Variants in SLC35D1 observed in about 807,000 individuals in gnomAD.
The protein encoded by SLC35D1 is nucleotide sugar transporter SLC35D1.
SLC35D1 carries 31 observed loss-of-function variants against 46.7 expected under a neutral mutation model. The observed-to-expected ratio is 0.66, with a 90% CI of 0.50 to 0.90. The LOEUF (loss-of-function observed/expected upper bound fraction) is 0.90, where lower values mean the gene tolerates loss of function less well. SLC35D1 is among the 40% of genes least tolerant of loss of function. SLC35D1 has a pLI of 0.00. For synonymous variants in SLC35D1, 195 were observed against 164.6 expected (o/e 1.18, Z -1.41); for missense variants, 397 against 426.2 (o/e 0.93, Z 0.60).
At chr1:66,980,440 TG>T in the SLC35D1 span, among the ~76,000 whole-genome samples, 2 of 152,234 alleles carry the variant, frequency 1.3e-5, no homozygotes, top group Non-Finnish European at 2.9e-5. Flanking sequence ...AGAAGTTTCT[TG>T]AAGTCAGGTA....
downstream of SLC35D1, among the ~76,000 whole-genome samples, chr1:66,998,226 T>C (rs1667264794): frequency 2.0e-5 from 3 of 152,112 alleles, no homozygotes; most frequent in South Asian, 4.1e-4. Flanking sequence ...CAGTGGCTCA[T>C]GCCTGTAATT....
chr1:67,051,782 T>A (rs762586885), intron 4 of SLC35D1, among the ~76,000 whole-genome samples: 1 of 125,570 alleles, frequency 8.0e-6, no homozygotes, highest in Admixed American at 8.1e-5. Flanking sequence ...AACATCAAAA[T>A]GAGGGGTAAA....
the SLC35D1 span, chr1:66,985,053 C>T: frequency 7.3e-7 from 1 of 1,362,482 alleles, no homozygotes; most frequent in South Asian, 2.0e-5. Flanking sequence ...ATAATTCTGC[C>T]TTTTGCAGAT....
At position 67,002,949 on chromosome 1, in the gene SLC35D1, C is replaced by T. The variant is rs1157981598; in HGVS notation, c.*1391G>A. On this transcript the variant is annotated 3_prime_UTR_variant, in exon 12 of 12. Coordinates refer to ENST00000235345, the MANE Select transcript of SLC35D1 (RefSeq NM_015139.3). ...GTTAACACCTCCACCCTCCAGATTA[C>T]CCCAAGAGGCAATTTAGGCAGTGCC... The T allele has an allele frequency of 2.0e-5, 3 of 152,342 alleles. No individual in the cohort carries two copies. Among genetic ancestry groups the T allele is most frequent in the Non-Finnish European group, 4.4e-5 (3 of 68,056 alleles). 9.4% of individuals were successfully genotyped at this position (152,342 alleles called of 1,614,324 possible). A position where few individuals can be genotyped will look rare whatever the true frequency, so the allele number is the denominator to read the frequency against.
At chr1:67,045,539 G>C (rs1645243351) in intron 7 of SLC35D1, among the ~76,000 whole-genome samples, 1 of 152,088 alleles carries the variant, frequency 6.6e-6, no homozygotes, top group African/African-American at 2.4e-5. Context: ...TATAAGATAT[G>C]AGCTAGGAGA....
chr1:66,999,120 T>C (rs1217245747), downstream of SLC35D1, among the ~76,000 whole-genome samples: 1 of 152,190 alleles, frequency 6.6e-6, no homozygotes. Flanking sequence ...CTCAGGAGCT[T>C]GGAAACCTGA....
chr1:67,028,949 C>T (rs1488666268), intron 8 of SLC35D1, among the ~76,000 whole-genome samples: 1 of 152,010 alleles, frequency 6.6e-6, no homozygotes, highest in Non-Finnish European at 1.5e-5. Flanking sequence ...CTTAACAATC[C>T]TTCACAGCCT....
intron 8 of SLC35D1, among the ~76,000 whole-genome samples, chr1:67,035,297 G>A (rs552908765): frequency 2.0e-4 from 30 of 152,198 alleles, no homozygotes; most frequent in South Asian, 1.7e-3. Flanking sequence ...TAAATGTTTC[G>A]TAGAATTCAG....
At chr1:67,008,472 C>CA in intron 11 of SLC35D1, 1 of 1,287,614 alleles carries the variant, frequency 7.8e-7, no homozygotes, top group Non-Finnish European at 1.0e-6. Flanking sequence ...AAAAAAAAGA[C>CA]AAAGTTACAG....
intron 8 of SLC35D1, among the ~76,000 whole-genome samples, chr1:67,022,749 G>C (rs572566437): frequency 2.0e-5 from 3 of 152,262 alleles, no homozygotes; most frequent in Admixed American, 2.0e-4. Context: ...TCAATGAGTA[G>C]TCACAAATGT....
intron 8 of SLC35D1, among the ~76,000 whole-genome samples, chr1:67,026,579 C>G (rs767536963): frequency 2.0e-5 from 3 of 152,010 alleles, no homozygotes; most frequent in Non-Finnish European, 4.4e-5. Flanking sequence ...CAATCAGGGC[C>G]TGAAATTTTA....
At position 67,009,084 on chromosome 1, in the gene SLC35D1, C is replaced by A. The variant is rs1347432538; in HGVS notation, c.959+1G>T. 1 of 1,407,636 alleles carries A rather than the reference C, an allele frequency of 7.1e-7. No individual in the cohort carries two copies. The highest frequency in any genetic ancestry group is 1.0e-6 in the Non-Finnish European group (1 of 995,974). 87.2% of individuals were successfully genotyped at this position (1,407,636 alleles called of 1,614,324 possible). ...CAATTTAATTAAATATTTTTACTTA[C>A]CTGATATTTAAACCAATGAAGTTTG... On this transcript the variant is annotated splice_donor_variant, in intron 11 of 11. Transcript: ENST00000235345. LOFTEE classifies it high-confidence loss of function.
chr1:66,984,700 G>A, the SLC35D1 span: 1 of 1,613,892 alleles, frequency 6.2e-7, no homozygotes. Flanking sequence ...TAATGGTTAT[G>A]AAACAGATAA....
chr1:66,986,662 T>C, the SLC35D1 span: 1 of 522,652 alleles, frequency 1.9e-6, no homozygotes. Flanking sequence ...TTGCAACACT[T>C]GACTTCATCT....
Position 67,004,163 on chromosome 1 carries a change from A to T in SLC35D1, c.*177T>A. ...CAACATATTTAAAATAGAGTCAATT[A>T]TAAGTTTCTCTCTTCATAAAATTTT... is the stretch of plus-strand genomic sequence containing the variant. On this transcript the variant is annotated 3_prime_UTR_variant, in exon 12 of 12. Transcript: ENST00000235345. 3.2e-6 allele frequency: 2 copies of T among 627,896 alleles called. No homozygotes were observed. The highest frequency in any genetic ancestry group is 5.8e-6 in the Non-Finnish European group (2 of 347,770). The allele number at this position is 627,896 out of a possible 1,614,324, so 38.9% of individuals were successfully genotyped here. A position where few individuals can be genotyped will look rare whatever the true frequency, so the allele number is the denominator to read the frequency against.
intron 10 of SLC35D1, among the ~76,000 whole-genome samples, chr1:67,014,772 T>C (rs1253132420): frequency 2.0e-5 from 3 of 149,232 alleles, no homozygotes; most frequent in African/African-American, 7.4e-5. Context: ...TTCTATAATA[T>C]TTTTAATGCT....
chr1:67,008,648 G>A (rs1371321057), intron 11 of SLC35D1, among the ~76,000 whole-genome samples: 1 of 152,058 alleles, frequency 6.6e-6, no homozygotes, highest in Non-Finnish European at 1.5e-5. Flanking sequence ...TACAGTCATG[G>A]ACATATTCAT....
At chr1:67,032,903 C>T (rs1488817321) in intron 8 of SLC35D1, among the ~76,000 whole-genome samples, 1 of 152,176 alleles carries the variant, frequency 6.6e-6, no homozygotes, top group East Asian at 1.9e-4. Flanking sequence ...CCCCCTACTA[C>T]CCTTGCCAGC....
chr1:67,018,787 T>C (rs2755244), intron 10 of SLC35D1, among the ~76,000 whole-genome samples: 117,924 of 152,106 alleles, frequency 0.78, 45,992 homozygotes, highest in South Asian at 0.88. Context: ...CTGAGCTAAA[T>C]GGGTTATAAC....
Sources: allele counts gnomAD v4.1 joint callset (sites outside exome capture counted in the v4.1 genomes callset), GRCh38; gene constraint gnomAD v4.1.1; transcripts MANE v1.5; gene names NCBI Gene and HGNC (gene_info 2026-07-23, HGNC 2026-07-21).